The following RSU1 variants were observed in gnomAD, a reference collection of about 807,000 sequenced individuals.
RSU1 encodes rsu-1.
RSU1 carries 26 observed loss-of-function variants against 31.1 expected under a neutral mutation model. The observed-to-expected ratio is 0.84, with a 90% CI of 0.61 to 1.16. The LOEUF (loss-of-function observed/expected upper bound fraction) is 1.16. RSU1 is among the 50% of genes most tolerant of loss of function. The probability of loss-of-function intolerance (pLI) is 0.00; values close to 1 mark genes in which losing one functional copy is unlikely to be tolerated. For missense variants in RSU1, 320 were observed against 339.1 expected (o/e 0.94, Z 0.44); for synonymous variants, 164 against 136.3 (o/e 1.20, Z -1.41).
chr10:16,782,023 A>C lies in RSU1; in HGVS notation c.160+11T>G, dbSNP rs997196391. The C allele has an allele frequency of 1.9e-6, 3 of 1,611,830 alleles. No individual in the cohort carries two copies. The highest frequency in any genetic ancestry group is 2.5e-6 in the Non-Finnish European group (3 of 1,178,304). On this transcript the variant is annotated intron_variant, in intron 3 of 8. Transcript: ENST00000345264. Reference sequence around the variant, plus strand: ...TGTCAGAAACTGTAACAAATGAGAAACATCACTTACTTGTTAGCTTGTTAT... The same window carrying C: ...TGTCAGAAACTGTAACAAATGAGAACCATCACTTACTTGTTAGCTTGTTAT...
rs1177489741 is a variant in RSU1, at chr10:16,691,699, G to A, written c.731+3324C>T. On this transcript the variant is annotated intron_variant, in intron 8 of 8. Transcript: ENST00000345264. ...CGTGGAAAGGAGGCAATGGCTCTCC[G>A]GTGCTTACTGAAGCTGCTGCTTCTT... Among the ~76,000 whole-genome samples the A allele has an allele frequency of 4.0e-5, 6 of 149,752 alleles. No individual in the cohort carries two copies. The East Asian group carries it at 6.0e-4, about 15-fold the overall frequency.
At chr10:16,807,272 TAC>T (rs1838293096) in intron 2 of RSU1, among the ~76,000 whole-genome samples, 1 of 152,190 alleles carries the variant, frequency 6.6e-6, no homozygotes, top group Non-Finnish European at 1.5e-5. Context: ...AATTATAAGT[TAC>T]ACAGAGTCCA....
chr10:16,748,730 G>A (rs1199847860), intron 7 of RSU1, among the ~76,000 whole-genome samples: 2 of 151,954 alleles, frequency 1.3e-5, no homozygotes, highest in East Asian at 3.9e-4. Context: ...AGCCCACCCA[G>A]GACCTTTGCA....
Position 16,593,330 on chromosome 10 carries a change from G to A in RSU1, c.*64C>T. On this transcript the variant is annotated 3_prime_UTR_variant, in exon 9 of 9. Coordinates refer to ENST00000345264, the MANE Select transcript of RSU1 (RefSeq NM_012425.4). ...GCATTGGGTTTATTTGAGAGACAGG[G>A]CAAGAGAGAATGAAGTGTTGGAGAG... The A allele has an allele frequency of 3.7e-6, 6 of 1,611,152 alleles. No individual in the cohort carries two copies. In the South Asian group the frequency reaches 5.5e-5, roughly 15 times the overall value.
At chr10:16,691,275 G>A (rs1007936563) in intron 8 of RSU1, among the ~76,000 whole-genome samples, 2 of 151,840 alleles carry the variant, frequency 1.3e-5, no homozygotes, top group African/African-American at 4.8e-5. Flanking sequence ...ATTGTATGAG[G>A]ATATACTTAA....
chr10:16,761,160 C>T (rs1294145800), intron 4 of RSU1, among the ~76,000 whole-genome samples: 1 of 152,172 alleles, frequency 6.6e-6, no homozygotes, highest in Non-Finnish European at 1.5e-5. Context: ...CCAGGCTGTT[C>T]TCGAACTCCT....
chr10:16,681,835 A>C (rs565423718), intron 8 of RSU1, among the ~76,000 whole-genome samples: 5 of 152,208 alleles, frequency 3.3e-5, no homozygotes, highest in African/African-American at 7.2e-5. Context: ...TTGATTTTAA[A>C]AAGTTCAAAT....
intron 3 of RSU1, among the ~76,000 whole-genome samples, chr10:16,774,679 A>G (rs1302054513): frequency 6.6e-6 from 1 of 152,244 alleles, no homozygotes; most frequent in Admixed American, 6.5e-5. Flanking sequence ...ATGGACCTCT[A>G]AAGAATTCAT....
intron 8 of RSU1, among the ~76,000 whole-genome samples, chr10:16,676,395 A>T (rs1233361008): frequency 6.6e-6 from 1 of 152,126 alleles, no homozygotes; most frequent in Non-Finnish European, 1.5e-5. Context: ...AAACCATCAG[A>T]TCTCATGAGA....
rs1346859159 is a variant in RSU1 at position 16,668,631 on chromosome 10, C to T, written c.731+26392G>A. ...TTTTCCCCCCAAGTTTTACTGCTTT[C>T]CCTGGTTCTCAGTGCAGTCACAAAG... On this transcript the variant is annotated intron_variant, in intron 8 of 8. Transcript: ENST00000345264. Among the ~76,000 whole-genome samples the T allele has an allele frequency of 5.9e-5, 9 of 152,266 alleles. No homozygotes were observed. The East Asian group carries it at 9.6e-4, about 16-fold the overall frequency.
intron 2 of RSU1, among the ~76,000 whole-genome samples, chr10:16,784,170 A>T (rs61843969): frequency 7.7e-6 from 1 of 130,430 alleles, no homozygotes; most frequent in Non-Finnish European, 1.5e-5. Flanking sequence ...CAGCCTCAGC[A>T]TCCCAGGCTC....
chr10:16,629,754 G>C (rs1834216759), intron 8 of RSU1, among the ~76,000 whole-genome samples: 1 of 152,112 alleles, frequency 6.6e-6, no homozygotes, highest in Non-Finnish European at 1.5e-5. Flanking sequence ...AATTTTCCCT[G>C]AGAAATGACA....
At chr10:16,741,613 T>G (rs1469253014) in intron 7 of RSU1, among the ~76,000 whole-genome samples, 2 of 151,348 alleles carry the variant, frequency 1.3e-5, no homozygotes, top group African/African-American at 4.9e-5. Flanking sequence ...CATGAGTGAG[T>G]GAGGGTGATA....
chr10:16,794,147 C>T (rs1837980627), intron 2 of RSU1, among the ~76,000 whole-genome samples: 1 of 152,136 alleles, frequency 6.6e-6, no homozygotes, highest in Non-Finnish European at 1.5e-5. Context: ...CAGCCTTTGG[C>T]CTTGCACTAA....
chr10:16,604,051 C>G (rs938532269), intron 8 of RSU1, among the ~76,000 whole-genome samples: 1 of 152,134 alleles, frequency 6.6e-6, no homozygotes, highest in Non-Finnish European at 1.5e-5. Context: ...GATACAGTCA[C>G]CAATGATCAC....
Position 16,782,040 on chromosome 10 carries a change from G to C in RSU1, c.154C>G (p.Leu52Val). 3 of 1,612,850 alleles carry C rather than the reference G, an allele frequency of 1.9e-6. No individual in the cohort carries two copies. In the South Asian group the frequency reaches 3.3e-5, roughly 18 times the overall value. The change falls in exon 3 of 9, where the codon CTA becomes GTA. Residue 52 changes from leucine (L) to valine (V), a missense_variant. Leu to Val is a conservative substitution (Grantham distance 32, BLOSUM62 1). Transcript: ENST00000345264. ...ITQLVLSHNKLTMVPPNIAEL... is the reference protein window; with the variant it reads ...ITQLVLSHNKVTMVPPNIAEL... ...AATGAGAAACATCACTTACTTGTTA[G>C]CTTGTTATGGCTGAGGACCAGTTGT...
chr10:16,791,524 G>C (rs1057100272), intron 2 of RSU1, among the ~76,000 whole-genome samples: 1 of 151,716 alleles, frequency 6.6e-6, no homozygotes, highest in African/African-American at 2.4e-5. Context: ...AGCTACTTGG[G>C]AGGCTGAGGC....
intron 7 of RSU1, among the ~76,000 whole-genome samples, chr10:16,705,556 C>G (rs530224670): frequency 1.3e-5 from 2 of 152,210 alleles, no homozygotes; most frequent in East Asian, 3.9e-4. Flanking sequence ...GAGGCGTGAT[C>G]TCAGCTCACT....
chr10:16,710,285 T>G (rs1269133755), intron 7 of RSU1, among the ~76,000 whole-genome samples: 1 of 152,230 alleles, frequency 6.6e-6, no homozygotes, highest in African/African-American at 2.4e-5. Context: ...TGTCTCTTTT[T>G]GTTAATGTGA....
Sources: allele counts gnomAD v4.1 joint callset (sites outside exome capture counted in the v4.1 genomes callset), GRCh38; gene constraint gnomAD v4.1.1; transcripts MANE v1.5; gene names NCBI Gene and HGNC (gene_info 2026-07-23, HGNC 2026-07-21).